RNF122: variants seen among roughly 807,000 people sequenced by gnomAD.
RNF122 encodes the protein ring finger protein 122.
Under a neutral mutation model 24.2 loss-of-function variants are expected in RNF122, and 17 were observed. That is an observed-to-expected ratio of 0.70 (90% CI 0.48 to 1.06). The LOEUF (loss-of-function observed/expected upper bound fraction) is 1.06. Among genes scored for constraint, RNF122 ranks in the 50% least tolerant of loss-of-function variants. The pLI is 0.00. For missense variants in RNF122, 168 were observed against 198.1 expected, an observed-to-expected ratio of 0.85 and a Z score of 0.91; for synonymous variants, 65 against 71.8, an observed-to-expected ratio of 0.91 and a Z score of 0.48.
In RNF122 at chr8:33,558,625, AGC is replaced by A; in HGVS notation, c.170_171del (p.Cys57LeufsTer13). On this transcript the variant is annotated frameshift_variant, in exon 2 of 6. Transcript: ENST00000256257. LOFTEE classifies it high-confidence loss of function. ...CAGGGATCCACGCACCTGATAAAAT[AGC>A]AGCAGAAGATAAGGCTGAGCATGAA... ...FVFMLSLIFCCYFISKLRNQA... is the reference protein window; with the variant it reads ...FVFMLSLIFCXYFISKLRNQA... 9 of 1,606,192 alleles carry A rather than the reference AGC, an allele frequency of 5.6e-6. No homozygotes were observed. The highest frequency in any genetic ancestry group is 6.8e-6 in the Non-Finnish European group (8 of 1,175,118).
rs566349901 is a variant in RNF122 at position 33,553,466 on chromosome 8, G to A, written c.183-2077C>T. On this transcript the variant is annotated intron_variant, in intron 2 of 5. Transcript: ENST00000256257. ...GTCTGTAGTCCTGGCTACTTGGGGGGTCTGAGGCAGAAGGGTCCCTTGAGC... is the reference window on the plus strand; with the variant it reads ...GTCTGTAGTCCTGGCTACTTGGGGGATCTGAGGCAGAAGGGTCCCTTGAGC... Among the ~76,000 whole-genome samples the A allele has an allele frequency of 7.2e-4, 109 of 152,186 alleles. 1 individual carries two copies. Among genetic ancestry groups the A allele is most frequent in the Non-Finnish European group, 1.4e-3 (96 of 68,004 alleles).
chr8:33,557,523 G>A (rs1286227154), intron 2 of RNF122, among the ~76,000 whole-genome samples: 2 of 151,934 alleles, frequency 1.3e-5, no homozygotes, highest in Admixed American at 6.6e-5. Flanking sequence ...AGCTATTAGG[G>A]AGGCTGAGGC....
At chr8:33,556,196 A>AAAAAAAAAAAAAAAG (rs1810449946) in intron 2 of RNF122, among the ~76,000 whole-genome samples, 1 of 150,878 alleles carries the variant, frequency 6.6e-6, no homozygotes, top group African/African-American at 2.5e-5. Context: ...AAAAAAAAAA[A>AAAAAAAAAAAAAAAG]AAAAAAAAGA....
At position 33,549,512 on chromosome 8, in the gene RNF122, G is replaced by T. The variant is rs756995248; in HGVS notation, c.271-20C>A. On this transcript the variant is annotated intron_variant, in intron 4 of 5. Coordinates refer to ENST00000256257, the MANE Select transcript of RNF122 (RefSeq NM_024787.3). The stretch of plus-strand genomic sequence containing the variant: ...GGTCTGCTGCAGAGAGAAAAGAGCA[G>T]GTGTGTGAGGAACTGGGGAACCATC... The T allele has an allele frequency of 1.9e-6, 3 of 1,590,588 alleles. No individual in the cohort carries two copies. The highest frequency in any genetic ancestry group is 1.7e-5 in the Admixed American group (1 of 59,978).
chr8:33,549,552 C>T (rs1218182819), intron 4 of RNF122, 60 bp from the exon 5 acceptor site: 1 of 1,333,786 alleles, frequency 7.5e-7, no homozygotes. Context: ...TCATTCAACC[C>T]CAGACAAGAA....
chr8:33,551,441 A>G, intron 2 of RNF122, 52 bp from the exon 3 acceptor site: 1 of 1,596,438 alleles, frequency 6.3e-7, no homozygotes, highest in Non-Finnish European at 8.6e-7. Flanking sequence ...GAACAATTCA[A>G]AGCAGGAGAG....
At position 33,549,311 on chromosome 8, in the gene RNF122, A is replaced by G. The variant is rs1397919658; in HGVS notation, c.353+99T>C. 8 of 964,796 alleles carry G rather than the reference A, an allele frequency of 8.3e-6. No homozygotes were observed. In the African/African-American group the frequency reaches 9.6e-5, roughly 12 times the overall value. The allele number at this position is 964,796 out of a possible 1,614,324, so 59.8% of individuals were successfully genotyped here. A position where few individuals can be genotyped will look rare whatever the true frequency, so the allele number is the denominator to read the frequency against. ...TCACGTAGGACCTGGGGCATCACGG[A>G]TAAGGGGCAAATAGAAAGTGGCAGA... is the stretch of plus-strand genomic sequence containing the variant. On this transcript the variant is annotated intron_variant, in intron 5 of 5. Transcript: ENST00000256257.
chr8:33,554,457 C>T (rs901871388), intron 2 of RNF122, among the ~76,000 whole-genome samples: 1 of 152,174 alleles, frequency 6.6e-6, no homozygotes, highest in Non-Finnish European at 1.5e-5. Context: ...TGGTTTTGCC[C>T]AGGGATCCTC....
At chr8:33,566,204 G>A (rs1410018896) in intron 1 of RNF122, among the ~76,000 whole-genome samples, 2 of 152,174 alleles carry the variant, frequency 1.3e-5, no homozygotes, top group African/African-American at 2.4e-5. Context: ...CACGCCAGCA[G>A]CCCGTGGGAA....
At position 33,548,878 on chromosome 8, in the gene RNF122, A is replaced by G. The variant is rs1810329124; in HGVS notation, c.354-11T>C. 6.3e-7 allele frequency: 1 copy of G among 1,581,462 alleles called. No individual in the cohort carries two copies. Among genetic ancestry groups the G allele is most frequent in the East Asian group, 2.2e-5 (1 of 44,694 alleles). On this transcript the variant is annotated splice_polypyrimidine_tract_variant and intron_variant, in intron 5 of 5. Transcript: ENST00000256257. ...CATTTCACCAGACACCTGAGAACAA[A>G]TGAGGAATGGTAATCTCTAACCAGA...
At chr8:33,564,562 G>A (rs1810592983) in intron 1 of RNF122, among the ~76,000 whole-genome samples, 1 of 124,074 alleles carries the variant, frequency 8.1e-6, no homozygotes, top group Non-Finnish European at 1.7e-5. Context: ...GTCGGAGTGA[G>A]ACCCTCTCTC....
rs559977595 is a variant in RNF122, at chr8:33,566,726, A to G, written c.-3T>C. 125 of 1,605,150 alleles carry G rather than the reference A, an allele frequency of 7.8e-5. 1 individual carries two copies. The highest frequency in any genetic ancestry group is 1.9e-4 in the South Asian group (17 of 89,018). Reference sequence around the variant, plus strand: ...TTACACCACTGGAATGGGTGCATCAATGAAGTCGCGGTTGGCTTCCTCGGG... The same window carrying G: ...TTACACCACTGGAATGGGTGCATCAGTGAAGTCGCGGTTGGCTTCCTCGGG... On this transcript the variant is annotated 5_prime_UTR_variant, in exon 1 of 6. Transcript: ENST00000256257.
chr8:33,565,250 G>A (rs1392664059), intron 1 of RNF122, among the ~76,000 whole-genome samples: 1 of 152,126 alleles, frequency 6.6e-6, no homozygotes, highest in African/African-American at 2.4e-5. Context: ...CAGGAAATGA[G>A]ATCCGACCAG....
chr8:33,558,701 G>A lies in RNF122; in HGVS notation c.96C>T (p.Asp32=), dbSNP rs765564449. 2.2e-5 allele frequency: 36 copies of A among 1,612,484 alleles called. No individual in the cohort carries two copies. The highest frequency in any genetic ancestry group is 3.1e-5 in the Non-Finnish European group (36 of 1,178,966). ...SCSMPPISFQ[D]LPLNIYMVIF... is the part of the protein sequence containing the mutation. ...TGACCATATAGATGTTGAGCGGAAG[G>A]TCCTGGAAACTGATGGGTGGCATCG... Residue 32 remains aspartate (D), a synonymous_variant, in exon 2 of 6, where the codon GAC becomes GAT. Coordinates refer to ENST00000256257, the MANE Select transcript of RNF122 (RefSeq NM_024787.3).
At chr8:33,550,532 C>G (rs1449236567) in intron 4 of RNF122, among the ~76,000 whole-genome samples, 1 of 151,472 alleles carries the variant, frequency 6.6e-6, no homozygotes, top group African/African-American at 2.4e-5. Flanking sequence ...TGACTAATTC[C>G]TCAAGTCAGA....
intron 1 of RNF122, 145 bp downstream of exon 1, chr8:33,566,554 G>A: frequency 1.3e-6 from 1 of 796,578 alleles, no homozygotes; most frequent in Non-Finnish European, 2.1e-6. Context: ...AGCAGAGTGG[G>A]GCGCCAAGAC....
Position 33,548,519 on chromosome 8 carries a change from T to G in RNF122, c.*234A>C, listed in dbSNP as rs1286567251. ...CAGTACCAGGAGACAGTGGTCTTGA[T>G]GGGTGAGGCCACCAGCATGGAGTAG... On this transcript the variant is annotated 3_prime_UTR_variant, in exon 6 of 6. Coordinates refer to ENST00000256257, the MANE Select transcript of RNF122 (RefSeq NM_024787.3). The G allele has an allele frequency of 2.3e-6, 1 of 442,116 alleles. No individual in the cohort carries two copies. The allele number at this position is 442,116 out of a possible 1,614,324, so 27.4% of individuals were successfully genotyped here.
At chr8:33,557,753 T>G (rs537848795) in intron 2 of RNF122, among the ~76,000 whole-genome samples, 75 of 152,266 alleles carry the variant, frequency 4.9e-4, no homozygotes, top group African/African-American at 1.6e-3. Flanking sequence ...CCAGGTCTTC[T>G]CTTGGATCCC....
chr8:33,550,899 A>G (rs1422480044), intron 4 of RNF122, 145 bp downstream of exon 4: 4 of 751,962 alleles, frequency 5.3e-6, no homozygotes, highest in Non-Finnish European at 7.1e-6. Context: ...TTACTTGCTG[A>G]GATGTGTCTC....
Sources: allele counts gnomAD v4.1 joint callset (sites outside exome capture counted in the v4.1 genomes callset), GRCh38; gene constraint gnomAD v4.1.1; transcripts MANE v1.5; gene names NCBI Gene and HGNC (gene_info 2026-07-23, HGNC 2026-07-21).